Variants in POLR3GL observed in about 807,000 individuals in gnomAD.
POLR3GL encodes the protein RNA polymerase III subunit GL.
Under a neutral mutation model 32.4 loss-of-function variants are expected in POLR3GL, and 26 were observed. That is an observed-to-expected ratio of 0.80 (90% CI 0.59 to 1.11). POLR3GL has a LOEUF of 1.11. POLR3GL is among the 50% of genes most tolerant of loss of function. The pLI is 0.00. For synonymous variants in POLR3GL, 95 were observed against 98.7 expected (o/e 0.96, Z 0.22); for missense variants, 229 against 280.1 (o/e 0.82, Z 1.30).
In POLR3GL at chr1:145,977,548, A is replaced by T. The variant is rs1474881399; in HGVS notation, c.382+9A>T. 6.2e-7 allele frequency: 1 copy of T among 1,613,300 alleles called. No homozygotes were observed. Among genetic ancestry groups the T allele is most frequent in the Non-Finnish European group, 8.5e-7 (1 of 1,179,310 alleles). ...GAAGCTACAGAAGGAACGTGAGTGT[A>T]TCTGGAAAAAAGGAGGGAGAAGAGA... On this transcript the variant is annotated intron_variant, in intron 5 of 7. Coordinates refer to ENST00000369314, the MANE Select transcript of POLR3GL (RefSeq NM_032305.3).
chr1:145,973,767 AGAGT>A (rs1396049782), intron 1 of POLR3GL, among the ~76,000 whole-genome samples: 3 of 151,922 alleles, frequency 2.0e-5, no homozygotes, highest in African/African-American at 7.3e-5. Flanking sequence ...AACAATTTAC[AGAGT>A]GAAGTCCTGC....
rs587738534 is a variant in POLR3GL, at chr1:145,970,232, A to G, written c.-41-4593A>G. On this transcript the variant is annotated intron_variant, in intron 1 of 7. Transcript: ENST00000369314. ...TGATCATGGCTCACTGAATCCTCTTATCTCCCGGGCTGAAGCGATCCTTCC... is the reference window on the plus strand; with the variant it reads ...TGATCATGGCTCACTGAATCCTCTTGTCTCCCGGGCTGAAGCGATCCTTCC... Among the ~76,000 whole-genome samples, 3 of 152,152 alleles carry G rather than the reference A, an allele frequency of 2.0e-5. No individual in the cohort carries two copies. In the East Asian group the frequency reaches 5.8e-4, roughly 29 times the overall value.
chr1:145,970,450 G>GT lies in POLR3GL; in HGVS notation c.-41-4367dup, dbSNP rs1396751908. On this transcript the variant is annotated intron_variant, in intron 1 of 7. Transcript: ENST00000369314. ...TGTGAACCACCACGCCCAGCCTCGA[G>GT]TTTTTTTTGTTTTTTGTTTTTGTTT... Among the ~76,000 whole-genome samples, 101 of 151,858 alleles carry GT rather than the reference G, an allele frequency of 6.7e-4. No homozygotes were observed. In the Middle Eastern group the frequency reaches 0.01, roughly 15 times the overall value.
rs1553763864 is a variant in POLR3GL at position 145,978,355 on chromosome 1, T to A, written c.571-6T>A. The A allele has an allele frequency of 2.9e-6, 4 of 1,399,996 alleles. No individual in the cohort carries two copies. Among genetic ancestry groups the A allele is most frequent in the Admixed American group, 1.9e-5 (1 of 52,690 alleles). The allele number at this position is 1,399,996 out of a possible 1,614,324, so 86.7% of individuals were successfully genotyped here. ...TTGACTTTTACTTTTTTTTTTTCCATTTCAGGAAACTGATTACATCATGTC... is the reference window on the plus strand; with the variant it reads ...TTGACTTTTACTTTTTTTTTTTCCAATTCAGGAAACTGATTACATCATGTC... On this transcript the variant is annotated splice_polypyrimidine_tract_variant and splice_region_variant and intron_variant, in intron 7 of 7. Transcript: ENST00000369314.
intron 1 of POLR3GL, among the ~76,000 whole-genome samples, chr1:145,966,153 C>G (rs1007072191): frequency 7.2e-4 from 107 of 148,414 alleles, no homozygotes; most frequent in Non-Finnish European, 3.4e-4. Flanking sequence ...GAAATCTGTC[C>G]TTTTACAGTG....
chr1:145,970,756 A>G (rs1275431872), intron 1 of POLR3GL, among the ~76,000 whole-genome samples: 1 of 151,416 alleles, frequency 6.6e-6, no homozygotes, highest in Non-Finnish European at 1.5e-5. Context: ...GGCTCCTGTA[A>G]TCCCAACTAC....
At chr1:145,977,718 T>C (rs1650626384) in intron 5 of POLR3GL, 60 bp from the exon 6 acceptor site, 1 of 1,487,936 alleles carries the variant, frequency 6.7e-7, no homozygotes, top group African/African-American at 1.4e-5. Context: ...TGCATGAGGA[T>C]GGGCTATAAA....
intron 1 of POLR3GL, among the ~76,000 whole-genome samples, chr1:145,970,186 C>T (rs1650215321): frequency 6.6e-6 from 1 of 152,120 alleles, no homozygotes; most frequent in Non-Finnish European, 1.5e-5. Context: ...GTCTCTGTCA[C>T]CCAGGGTGAG....
chr1:145,978,269 C>A (rs1650655811), intron 7 of POLR3GL, 92 bp from the exon 8 acceptor site: 6 of 1,307,140 alleles, frequency 4.6e-6, no homozygotes, highest in Non-Finnish European at 6.6e-6. Context: ...TGTCTCAGGC[C>A]TGGAATGGTG....
intron 1 of POLR3GL, among the ~76,000 whole-genome samples, chr1:145,965,630 C>T (rs1204181293): frequency 6.6e-6 from 1 of 152,198 alleles, no homozygotes; most frequent in Non-Finnish European, 1.5e-5. Flanking sequence ...TAGAGCCATG[C>T]ATCCTTCTTA....
rs587676792 is a variant in POLR3GL, at chr1:145,970,646, G to A, written c.-41-4179G>A. Among the ~76,000 whole-genome samples, 36 of 151,778 alleles carry A rather than the reference G, an allele frequency of 2.4e-4. 1 individual carries two copies. Among genetic ancestry groups the A allele is most frequent in the Admixed American group, 2.1e-3 (32 of 15,246 alleles). Reference sequence around the variant, plus strand: ...CCCAGCACTTTGGGAGGCTGAGGCGGGTGGATCACGAGGTCAGGAGTTCGA... The same window carrying A: ...CCCAGCACTTTGGGAGGCTGAGGCGAGTGGATCACGAGGTCAGGAGTTCGA... On this transcript the variant is annotated intron_variant, in intron 1 of 7. Coordinates refer to ENST00000369314, the MANE Select transcript of POLR3GL (RefSeq NM_032305.3).
At chr1:145,978,172 G>T in intron 7 of POLR3GL, 76 bp downstream of exon 7, 1 of 1,547,114 alleles carries the variant, frequency 6.5e-7, no homozygotes, top group Non-Finnish European at 8.7e-7. Flanking sequence ...TCAGAGGGTT[G>T]GCATGCCAAC....
At chr1:145,975,266 G>A (rs201101270) in intron 2 of POLR3GL, 41 bp from the exon 3 acceptor site, 2 of 1,593,350 alleles carry the variant, frequency 1.3e-6, no homozygotes, top group East Asian at 4.5e-5. Context: ...ATTTGTACTA[G>A]CATTTTCTCC....
intron 1 of POLR3GL, among the ~76,000 whole-genome samples, chr1:145,969,358 G>T (rs1474149178): frequency 6.6e-6 from 1 of 151,862 alleles, no homozygotes. Flanking sequence ...TCCACCTCCC[G>T]GGTTCAAGCG....
intron 5 of POLR3GL, 72 bp downstream of exon 5, chr1:145,977,611 G>C: frequency 6.9e-7 from 1 of 1,451,684 alleles, no homozygotes; most frequent in East Asian, 2.3e-5. Flanking sequence ...GGCTGCTGCT[G>C]GTCTCACCTT....
intron 4 of POLR3GL, 112 bp from the exon 5 acceptor site, chr1:145,977,371 C>G: frequency 8.9e-7 from 1 of 1,118,440 alleles, no homozygotes; most frequent in Non-Finnish European, 1.3e-6. Flanking sequence ...AACTTTGGCC[C>G]AGCCCCTTCC....
At chr1:145,965,613 CCT>C (rs1553761931) in intron 1 of POLR3GL, among the ~76,000 whole-genome samples, 1 of 152,178 alleles carries the variant, frequency 6.6e-6, no homozygotes, top group East Asian at 1.9e-4. Flanking sequence ...CATAGGGAAT[CCT>C]CTACTAGAGC....
intron 1 of POLR3GL, among the ~76,000 whole-genome samples, chr1:145,967,623 G>A (rs1310331430): frequency 2.6e-5 from 4 of 152,112 alleles, no homozygotes; most frequent in Admixed American, 1.3e-4. Flanking sequence ...ACACATCAGC[G>A]TGCCCCAGGC....
In POLR3GL at chr1:145,978,049, A is replaced by T; in HGVS notation, c.523A>T (p.Lys175Ter). 1 of 1,599,442 alleles carries T rather than the reference A, an allele frequency of 6.3e-7. No individual in the cohort carries two copies. The highest frequency in any genetic ancestry group is 8.6e-7 in the Non-Finnish European group (1 of 1,167,350). The change falls in exon 7 of 8, where the codon AAG becomes TAG. Residue 175 changes from lysine to a stop codon, truncating the protein, a stop_gained. Transcript: ENST00000369314. LOFTEE classifies it high-confidence loss of function. The stretch of plus-strand genomic sequence containing the variant: ...TGAGGAGAAAGAAGAAGAAGAAGAG[A>T]AGGAAGAGGAGGAAGAAGAAGAGTA... ...EDEEKEEEEE[K>*]EEEEEEEYDE... is the part of the protein sequence containing the mutation.
Sources: allele counts gnomAD v4.1 joint callset (sites outside exome capture counted in the v4.1 genomes callset), GRCh38; gene constraint gnomAD v4.1.1; transcripts MANE v1.5; gene names NCBI Gene and HGNC (gene_info 2026-07-23, HGNC 2026-07-21).